Variants in TMEM230 observed in about 807,000 individuals in gnomAD.
TMEM230 encodes UPF0414 transmembrane protein C20orf30.
Under a neutral mutation model 15.8 loss-of-function variants are expected in TMEM230, and 10 were observed. That is an observed-to-expected ratio of 0.63 (90% CI 0.39 to 1.07). The LOEUF (loss-of-function observed/expected upper bound fraction) is 1.07, where lower values mean the gene tolerates loss of function less well. Among genes scored for constraint, TMEM230 ranks in the 50% least tolerant of loss-of-function variants. The pLI, the probability that TMEM230 is intolerant of heterozygous loss-of-function variation, is 0.01. For missense variants in TMEM230, 165 were observed against 193.3 expected (o/e 0.85, Z 0.87); for synonymous variants, 67 against 76.9 (o/e 0.87, Z 0.68).
chr20:5,088,627 T>G (rs543995717), intron 3 of TMEM230, among the ~76,000 whole-genome samples: 2 of 152,278 alleles, frequency 1.3e-5, no homozygotes, highest in African/African-American at 4.8e-5. Flanking sequence ...TCCTCCCATC[T>G]TAGCTCCCTG....
intron 4 of TMEM230, 82 bp from the exon 4 acceptor site, chr20:5,101,013 A>G (rs2089837588): frequency 1.3e-6 from 2 of 1,532,362 alleles, no homozygotes; most frequent in Non-Finnish European, 1.8e-6. Flanking sequence ...TAATCCTTAG[A>G]TCAGTATTTT....
intron 2 of TMEM230, among the ~76,000 whole-genome samples, chr20:5,110,297 T>C (rs1166298205): frequency 6.6e-6 from 1 of 151,974 alleles, no homozygotes; most frequent in Non-Finnish European, 1.5e-5. Flanking sequence ...GTTTTTTTTT[T>C]TTTCTTTGCG....
chr20:5,087,738 A>G (rs960051688), intron 3 of TMEM230, among the ~76,000 whole-genome samples: 1 of 142,486 alleles, frequency 7.0e-6, no homozygotes, highest in African/African-American at 2.6e-5. Context: ...AGAAGATTAG[A>G]ATAGGAAATC....
At chr20:5,072,576 T>C (rs1002622254) in intron 3 of TMEM230, among the ~76,000 whole-genome samples, 5 of 152,056 alleles carry the variant, frequency 3.3e-5, no homozygotes, top group East Asian at 1.9e-4. Flanking sequence ...CAGCCGGGCA[T>C]GGTGGCTCAC....
chr20:5,071,734 G>A (rs527327392), intron 3 of TMEM230, among the ~76,000 whole-genome samples: 6 of 151,956 alleles, frequency 3.9e-5, no homozygotes, highest in Middle Eastern at 3.4e-3. Context: ...TATACAGGAC[G>A]TAGAAAAATG....
chr20:5,079,976 C>T (rs560450820), intron 3 of TMEM230, among the ~76,000 whole-genome samples: 2 of 152,118 alleles, frequency 1.3e-5, no homozygotes, highest in Non-Finnish European at 2.9e-5. Flanking sequence ...TGAAAAAAAT[C>T]ATTACATCTT....
rs758119588 is a variant in TMEM230 at position 5,111,607 on chromosome 20, TAAAAAAAAA to T, written c.69-11_69-3del. ...CTGGGCGACAGAACTAGACTCCATC[TAAAAAAAAA>T]AAAAAAAAAAAAAAAAAAAAAAAAA... On this transcript the variant is annotated splice_region_variant and splice_polypyrimidine_tract_variant and intron_variant, in intron 1 of 4. Coordinates refer to ENST00000342308, the MANE Select transcript of TMEM230 (RefSeq NM_001009923.2). 3.4e-4 allele frequency: 20 copies of T among 58,960 alleles called. No individual in the cohort carries two copies. Among genetic ancestry groups the T allele is most frequent in the African/African-American group, 1.0e-3 (16 of 15,456 alleles). 3.7% of individuals were successfully genotyped at this position (58,960 alleles called of 1,614,324 possible). A position where few individuals can be genotyped will look rare whatever the true frequency, so the allele number is the denominator to read the frequency against.
chr20:5,096,743 G>A (rs529059050), downstream of TMEM230, among the ~76,000 whole-genome samples: 105 of 152,306 alleles, frequency 6.9e-4, no homozygotes, highest in Non-Finnish European at 5.4e-4. Flanking sequence ...GGAGTCTGAC[G>A]TAAATGTAGG....
chr20:5,059,839 G>C, the TMEM230 span, among the ~76,000 whole-genome samples: 3 of 138,354 alleles, frequency 2.2e-5, no homozygotes, highest in Non-Finnish European at 4.5e-5. Flanking sequence ...GAGTACAGTG[G>C]TGCAACCTCG....
chr20:5,099,766 C>T (rs188830125), downstream of TMEM230: 13 of 827,232 alleles, frequency 1.6e-5, no homozygotes, highest in African/African-American at 2.2e-4. Context: ...GAGTGTGACC[C>T]ACAATGCCAG....
intron 3 of TMEM230, among the ~76,000 whole-genome samples, chr20:5,080,750 C>T (rs149027052): frequency 6.6e-5 from 10 of 152,240 alleles, no homozygotes; most frequent in African/African-American, 2.2e-4. Context: ...CCATGTTGCC[C>T]AGGCTGGTCT....
rs368121684 is a variant in TMEM230, at chr20:5,109,438, T to G, written c.182A>C (p.Gln61Pro). Residue 61 changes from glutamine to proline, a missense_variant, in exon 3 of 5, where the codon CAG becomes CCG. Transcript: ENST00000342308. ...GGTACGGGACGGCATCATAACACGC[T>G]GACACAGCTACAGTTTAAAAACAAA... is the stretch of plus-strand genomic sequence containing the variant. The G allele has an allele frequency of 2.8e-5, 45 of 1,613,296 alleles. No individual in the cohort carries two copies. Among genetic ancestry groups the G allele is most frequent in the Non-Finnish European group, 3.6e-5 (43 of 1,179,522 alleles).
chr20:5,097,969 A>ATTTTTT (rs5840073), downstream of TMEM230, among the ~76,000 whole-genome samples: 11 of 67,252 alleles, frequency 1.6e-4, 1 homozygote, highest in South Asian at 1.3e-3. Flanking sequence ...CTAACTCAGG[A>ATTTTTT]TTTTTTTTTT....
At chr20:5,107,957 C>G (rs551197671) in intron 3 of TMEM230, among the ~76,000 whole-genome samples, 1 of 151,650 alleles carries the variant, frequency 6.6e-6, no homozygotes, top group Non-Finnish European at 1.5e-5. Flanking sequence ...ACTAAAAATA[C>G]GAAAATTGGC....
At chr20:5,094,936 T>A (rs180682598), downstream of TMEM230, among the ~76,000 whole-genome samples, 45 of 152,158 alleles carry the variant, frequency 3.0e-4, 1 homozygote, top group South Asian at 3.7e-3. Context: ...TTTCCTAATG[T>A]AAGTCATCTC....
chr20:5,073,284 G>C (rs2088885976), intron 3 of TMEM230, among the ~76,000 whole-genome samples: 1 of 152,230 alleles, frequency 6.6e-6, no homozygotes, highest in Non-Finnish European at 1.5e-5. Context: ...GTGTGGGAAA[G>C]AACCAGGAAG....
chr20:5,108,968 TA>T (rs912466847), intron 3 of TMEM230, among the ~76,000 whole-genome samples: 1 of 151,650 alleles, frequency 6.6e-6, no homozygotes, highest in Admixed American at 6.6e-5. Context: ...TAAACAGTGA[TA>T]AAAAAAATTC....
At chr20:5,070,498 G>T (rs2088788983) in intron 3 of TMEM230, among the ~76,000 whole-genome samples, 1 of 152,120 alleles carries the variant, frequency 6.6e-6, no homozygotes, top group Non-Finnish European at 1.5e-5. Context: ...GCCAGGAAGA[G>T]AACCTGGAAG....
At chr20:5,112,703 T>C in intron 1 of TMEM230, 1 of 1,423,218 alleles carries the variant, frequency 7.0e-7, no homozygotes, top group South Asian at 1.5e-5. Context: ...TGGCACACAG[T>C]GCCTGGCATT....
Sources: allele counts gnomAD v4.1 joint callset (sites outside exome capture counted in the v4.1 genomes callset), GRCh38; gene constraint gnomAD v4.1.1; transcripts MANE v1.5; gene names NCBI Gene and HGNC (gene_info 2026-07-23, HGNC 2026-07-21).